The following RINL variants were observed in gnomAD, a reference collection of about 807,000 sequenced individuals.
RINL encodes the protein ras and Rab interactor-like protein.
Under a neutral mutation model 58.1 loss-of-function variants are expected in RINL, and 39 were observed. That is an observed-to-expected ratio of 0.67 (90% CI 0.52 to 0.88). RINL has a LOEUF of 0.88. Ranked by LOEUF, RINL falls within the 40% of genes least tolerant of loss-of-function variation. RINL has a pLI of 0.00. For synonymous variants in RINL, 286 were observed against 323.1 expected, an observed-to-expected ratio of 0.89 and a Z score of 1.23; for missense variants, 711 against 749.2, an observed-to-expected ratio of 0.95 and a Z score of 0.60.
rs1283041666 is a variant in RINL, at chr19:38,876,388, A to G, written c.153T>C (p.His51=). ...TRLQRTWGVW[H]VPELDTQDAE... ...CATCCTGGGTATCCAGCTCTGGCAC[A>G]TGCCACACCCCCCATGTCCTCTGCA... The change falls in exon 3 of 12, where the codon CAT becomes CAC. Residue 51 remains histidine, a synonymous_variant. Transcript: ENST00000591812. The G allele has an allele frequency of 1.9e-5, 29 of 1,536,106 alleles. No homozygotes were observed. Among genetic ancestry groups the G allele is most frequent in the Non-Finnish European group, 2.5e-5 (29 of 1,146,892 alleles).
Position 38,868,966 on chromosome 19 carries a change from G to GTTTTTTTTTT in RINL, c.*128_*137dup. 1.8e-6 allele frequency: 1 copy of GTTTTTTTTTT among 563,896 alleles called. No homozygotes were observed. Among genetic ancestry groups the GTTTTTTTTTT allele is most frequent in the Non-Finnish European group, 2.9e-6 (1 of 349,846 alleles). 34.9% of individuals were successfully genotyped at this position (563,896 alleles called of 1,614,324 possible). A position where few individuals can be genotyped will look rare whatever the true frequency, so the allele number is the denominator to read the frequency against. ...ACGCCACCACGCCCGGCTAATTTTT[G>GTTTTTTTTTT]TTTTTTTTTTTTTTTGGTAGATGGG... On this transcript the variant is annotated 3_prime_UTR_variant, in exon 12 of 12. Transcript: ENST00000591812.
In RINL at chr19:38,870,459, G is replaced by C; in HGVS notation, c.1024+111C>G. 1 of 1,280,892 alleles carries C rather than the reference G, an allele frequency of 7.8e-7. No individual in the cohort carries two copies. Among genetic ancestry groups the C allele is most frequent in the Non-Finnish European group, 1.0e-6 (1 of 953,386 alleles). The allele number at this position is 1,280,892 out of a possible 1,614,324, so 79.3% of individuals were successfully genotyped here. ...CGCATACGTGGGCGATAGAACGCGT[G>C]GGATGTGTAGGAAGGGCGTGTGGGT... On this transcript the variant is annotated intron_variant, in intron 8 of 11. Coordinates refer to ENST00000591812, the MANE Select transcript of RINL (RefSeq NM_001195833.2). This position sits in a 1 kb window ranked among gnomAD's most constrained non-coding sequence, Gnocchi z 5.8.
At chr19:38,874,359 G>A (rs1372337169) in intron 3 of RINL, among the ~76,000 whole-genome samples, 3 of 151,888 alleles carry the variant, frequency 2.0e-5, no homozygotes, top group Non-Finnish European at 4.4e-5. Flanking sequence ...TGCAACCTCC[G>A]CCTCCCGGGG....
chr19:38,873,496 C>T lies in RINL; in HGVS notation c.313+390G>A, dbSNP rs565351971. 8.3e-5 allele frequency: 14 copies of T among 169,334 alleles called. No homozygotes were observed. In the East Asian group the frequency reaches 2.1e-3, roughly 25 times the overall value. The allele number at this position is 169,334 out of a possible 1,614,324, so 10.5% of individuals were successfully genotyped here. On this transcript the variant is annotated intron_variant, in intron 4 of 11. Coordinates refer to ENST00000591812, the MANE Select transcript of RINL (RefSeq NM_001195833.2). ...GGGAGACAGGATTGGAAATATTCAT[C>T]AGATATTTTGGAAACAAAGCTGACA...
chr19:38,876,842 T>A, intron 1 of RINL, 61 bp from the exon 2 acceptor site: 1 of 941,422 alleles, frequency 1.1e-6, no homozygotes, highest in South Asian at 1.4e-5. Flanking sequence ...TTCAAGATAT[T>A]TACAATCAAT....
chr19:38,873,740 G>A (rs1011998361), intron 4 of RINL, 146 bp downstream of exon 4: 12 of 552,632 alleles, frequency 2.2e-5, no homozygotes, highest in Middle Eastern at 4.7e-4. Flanking sequence ...TGGCCAGGCT[G>A]GTCTCAAAAT....
chr19:38,873,624 C>A, intron 4 of RINL: 1 of 322,370 alleles, frequency 3.1e-6, no homozygotes, highest in South Asian at 3.8e-5. Flanking sequence ...CTCCTGGGTT[C>A]AAGCTATTCT....
Position 38,869,384 on chromosome 19 carries a change from C to T in RINL, c.1501G>A (p.Gly501Arg), listed in dbSNP as rs1972746084. The T allele has an allele frequency of 1.2e-6, 2 of 1,609,248 alleles. No individual in the cohort carries two copies. The highest frequency in any genetic ancestry group is 1.7e-6 in the Non-Finnish European group (2 of 1,176,758). ...EAGYYLTTWF[G>R]ALHHIAHYQP... is the part of the protein sequence containing the mutation. The stretch of plus-strand genomic sequence containing the variant: ...TAGTGGGCAATGTGGTGCAGCGCCC[C>T]AAACCACGTGGTCAGGTAGTACCCA... Residue 501 changes from glycine to arginine, a missense_variant, in exon 11 of 12, where the codon GGG (glycine) becomes AGG (arginine). Physicochemically the swap from Gly to Arg is moderately radical, Grantham distance 125 (BLOSUM62 -2). Transcript: ENST00000591812. The surrounding 1 kb of genome is among the most constrained non-coding windows in gnomAD (Gnocchi z 5.7).
Position 38,870,116 on chromosome 19 carries a change from G to C in RINL, c.1169C>G (p.Pro390Arg). Residue 390 changes from proline (P) to arginine (R), a missense_variant, in exon 9 of 12, where the codon CCG (proline) becomes CGG (arginine). Pro to Arg is a moderately radical substitution (Grantham distance 103, BLOSUM62 -2). Transcript: ENST00000591812. The surrounding 1 kb of genome is among the most constrained non-coding windows in gnomAD (Gnocchi z 5.8). ...TTCCGGTCCCGGCCCCTGTGCCCCC[G>C]GAGGCCCCGCCCCCGCCCGCAGGGC... is the stretch of plus-strand genomic sequence containing the variant. Reference protein sequence around the residue: ...QTALRAGAGPPGAQGPGPEGQ... With the variant: ...QTALRAGAGPRGAQGPGPEGQ... 7.0e-7 allele frequency: 1 copy of C among 1,430,350 alleles called. No individual in the cohort carries two copies. Among genetic ancestry groups the C allele is most frequent in the South Asian group, 1.5e-5 (1 of 68,374 alleles). The allele number at this position is 1,430,350 out of a possible 1,614,324, so 88.6% of individuals were successfully genotyped here.
At chr19:38,871,380 C>T (rs1418589883) in intron 6 of RINL, 153 bp from the exon 7 acceptor site, 2 of 797,958 alleles carry the variant, frequency 2.5e-6, no homozygotes, top group Non-Finnish European at 3.9e-6. Context: ...GGAGTCCAGG[C>T]CCCTAGTCCC....
chr19:38,876,760 C>A lies in RINL; in HGVS notation c.-18G>T, dbSNP rs1349755276. 3 of 1,535,490 alleles carry A rather than the reference C, an allele frequency of 2.0e-6. No individual in the cohort carries two copies. The highest frequency in any genetic ancestry group is 1.2e-5 in the South Asian group (1 of 84,054). On this transcript the variant is annotated 5_prime_UTR_variant, in exon 2 of 12. Transcript: ENST00000591812. ...TGGGCCATCGTCAGGTTGCAGGAAGCCAGTGAGTCATGACCTGGCCTCTGG... is the reference window on the plus strand; with the variant it reads ...TGGGCCATCGTCAGGTTGCAGGAAGACAGTGAGTCATGACCTGGCCTCTGG...
chr19:38,870,475 G>T lies in RINL; in HGVS notation c.1024+95C>A, dbSNP rs1370834417. On this transcript the variant is annotated intron_variant, in intron 8 of 11. Coordinates refer to ENST00000591812, the MANE Select transcript of RINL (RefSeq NM_001195833.2). This position sits in a 1 kb window ranked among gnomAD's most constrained non-coding sequence, Gnocchi z 5.8. ...AGAACGCGTGGGATGTGTAGGAAGG[G>T]CGTGTGGGTGCAGAAGGAAACGTGT... The T allele has an allele frequency of 2.5e-5, 34 of 1,366,738 alleles. No homozygotes were observed. Among genetic ancestry groups the T allele is most frequent in the Non-Finnish European group, 3.2e-5 (33 of 1,025,846 alleles). The allele number at this position is 1,366,738 out of a possible 1,614,324, so 84.7% of individuals were successfully genotyped here. A position where few individuals can be genotyped will look rare whatever the true frequency, so the allele number is the denominator to read the frequency against.
Position 38,871,122 on chromosome 19 carries a change from G to A in RINL, c.557C>T (p.Thr186Ile). 1 of 1,612,836 alleles carries A rather than the reference G, an allele frequency of 6.2e-7. No homozygotes were observed. ...ETHRGWGREQ[T>I]PQETEPEAAQ... The stretch of plus-strand genomic sequence containing the variant: ...AGCCTCTGGCTCTGTTTCTTGAGGG[G>A]TCTGCTCCCTCCCCCAGCCTCTGTG... The change falls in exon 7 of 12, where the codon ACC (threonine) becomes ATC (isoleucine). Residue 186 changes from threonine (T) to isoleucine (I), a missense_variant. Coordinates refer to ENST00000591812, the MANE Select transcript of RINL (RefSeq NM_001195833.2).
Position 38,869,823 on chromosome 19 carries a change from A to G in RINL, c.1343-119T>C, listed in dbSNP as rs1164162178. 1 of 1,538,106 alleles carries G rather than the reference A, an allele frequency of 6.5e-7. No individual in the cohort carries two copies. The highest frequency in any genetic ancestry group is 1.2e-5 in the South Asian group (1 of 84,982). On this transcript the variant is annotated intron_variant, in intron 9 of 11. Transcript: ENST00000591812. The surrounding 1 kb of genome is among the most constrained non-coding windows in gnomAD (Gnocchi z 5.7). ...GCCCCTCCACCTTGTCGGGCATGAC[A>G]GCGCCTCCTACCAGAATCTTCAGGA...
At position 38,873,714 on chromosome 19, in the gene RINL, C is replaced by A. The variant is rs149321782; in HGVS notation, c.313+172G>T. The A allele has an allele frequency of 5.8e-6, 3 of 514,482 alleles. No individual in the cohort carries two copies. The South Asian group carries it at 7.0e-5, about 12-fold the overall frequency. The allele number at this position is 514,482 out of a possible 1,614,324, so 31.9% of individuals were successfully genotyped here. On this transcript the variant is annotated intron_variant, in intron 4 of 11. Transcript: ENST00000591812. ...CTAATTTTTGTATTTTTTGTAGAGA[C>A]GGGGTTTTGCCATGTTGGCCAGGCT...
At position 38,871,706 on chromosome 19, in the gene RINL, A is replaced by T. The variant is rs768272386; in HGVS notation, c.392T>A (p.Val131Asp). The T allele has an allele frequency of 6.2e-7, 1 of 1,614,156 alleles. No homozygotes were observed. The highest frequency in any genetic ancestry group is 2.2e-5 in the East Asian group (1 of 44,880). ...LLAFLSASRD[V>D]LPRTLLLPPP... The stretch of plus-strand genomic sequence containing the variant: ...GGGCAAGAGCAGGGTTCTGGGCAGA[A>T]CATCCCTGAGAATAAAGAGGTGGGA... The change falls in exon 6 of 12, where the codon GTT (valine) becomes GAT (aspartate). Residue 131 changes from valine to aspartate, a missense_variant. Coordinates refer to ENST00000591812, the MANE Select transcript of RINL (RefSeq NM_001195833.2).
intron 3 of RINL, among the ~76,000 whole-genome samples, chr19:38,875,121 G>A (rs1452580772): frequency 1.3e-5 from 2 of 151,088 alleles, no homozygotes; most frequent in Non-Finnish European, 3.0e-5. Context: ...GGTGACAGAG[G>A]GAGACTCCAT....
At chr19:38,871,292 GCGCCAGGAGACTTACT>G in intron 6 of RINL, 65 bp from the exon 7 acceptor site, 1 of 1,572,666 alleles carries the variant, frequency 6.4e-7, no homozygotes, top group Non-Finnish European at 8.7e-7. Context: ...TCCCCTCAAG[GCGCCAGGAGACTTACT>G]TCCCAGCTTC....
rs1600094580 is a variant in RINL, at chr19:38,874,030, C to T, written c.211-42G>A. The stretch of plus-strand genomic sequence containing the variant: ...AAGGCCAGCGTGACAAAGGTGTGCG[C>T]AGATGTCTGTTGCTTTTGCCTGACT... On this transcript the variant is annotated intron_variant, in intron 3 of 11. Transcript: ENST00000591812. The T allele has an allele frequency of 2.4e-6, 3 of 1,243,248 alleles. No individual in the cohort carries two copies. The South Asian group carries it at 3.9e-5, about 16-fold the overall frequency. The allele number at this position is 1,243,248 out of a possible 1,614,324, so 77.0% of individuals were successfully genotyped here.
Sources: gnomAD v4.1 joint callset for allele counts (sites outside exome capture counted in the v4.1 genomes callset) on GRCh38, gnomAD v4.1.1 for gene constraint, Gnocchi (gnomAD v3.1) non-coding constraint, MANE v1.5 for transcripts, NCBI Gene and HGNC (gene_info 2026-07-23, HGNC 2026-07-21) for gene names.